ANK3: variants seen among roughly 807,000 people sequenced by gnomAD.
ANK3 encodes ankyrin 3.
In ANK3, 57 loss-of-function variants were observed where a neutral mutation model predicts 370.9. That is an observed-to-expected ratio of 0.15 (90% CI 0.12 to 0.19). The LOEUF (loss-of-function observed/expected upper bound fraction) is 0.19, where lower values mean the gene tolerates loss of function less well. Ranked by LOEUF, ANK3 falls within the 10% of genes least tolerant of loss-of-function variation. The pLI is 1.00. For synonymous variants in ANK3, 1,929 were observed against 1,946.3 expected, an observed-to-expected ratio of 0.99 and a Z score of 0.23; for missense variants, 4,439 against 5,302.1, an observed-to-expected ratio of 0.84 and a Z score of 5.06.
chr10:60,439,521 TA>T (rs911306247), intron 2 of ANK3, among the ~76,000 whole-genome samples: 25 of 150,830 alleles, frequency 1.7e-4, no homozygotes, highest in African/African-American at 4.6e-4. Flanking sequence ...AAAAATAATT[TA>T]AAAAAAAACA....
At chr10:60,627,008 G>C (rs143703645) in intron 1 of ANK3, among the ~76,000 whole-genome samples, 20 of 152,186 alleles carry the variant, frequency 1.3e-4, no homozygotes, top group Admixed American at 5.9e-4. Context: ...GAGGGAGAAA[G>C]AGAACAGAGC....
chr10:60,203,125 G>C, intron 11 of ANK3, 25 bp from the exon 12 acceptor site: 1 of 1,573,320 alleles, frequency 6.4e-7, no homozygotes, highest in Non-Finnish European at 8.7e-7. Flanking sequence ...AGAAAATGGT[G>C]GTTTGTTGGC....
intron 2 of ANK3, among the ~76,000 whole-genome samples, chr10:60,480,955 T>A (rs2075197653): frequency 6.6e-6 from 1 of 152,186 alleles, no homozygotes; most frequent in South Asian, 2.1e-4. Context: ...TCTGTTAGGA[T>A]CAGTTTTCAT....
intron 16 of ANK3, among the ~76,000 whole-genome samples, chr10:60,192,234 CGT>C (rs1565580255): frequency 6.6e-6 from 1 of 151,272 alleles, no homozygotes; most frequent in East Asian, 1.9e-4. Flanking sequence ...CCATGGTGCG[CGT>C]GTGTGTGTAT....
At chr10:60,280,036 T>C (rs1384617826) in intron 1 of ANK3, among the ~76,000 whole-genome samples, 1 of 152,154 alleles carries the variant, frequency 6.6e-6, no homozygotes, top group African/African-American at 2.4e-5. Context: ...CCACAGCAAT[T>C]TTTTCCATTA....
At chr10:60,469,280 A>AGT (rs1322647506) in intron 2 of ANK3, among the ~76,000 whole-genome samples, 2 of 3,322 alleles carry the variant, frequency 6.0e-4, no homozygotes, top group African/African-American at 2.0e-3. Flanking sequence ...TACCATTTTT[A>AGT]GTGTGTGTAT....
chr10:60,186,534 T>G, intron 17 of ANK3, 181 bp downstream of exon 17: 1 of 714,418 alleles, frequency 1.4e-6, no homozygotes, highest in Non-Finnish European at 2.5e-6. Flanking sequence ...ATTTTTCTTA[T>G]TGTTTAAACA....
At chr10:60,094,181 A>ATTTTTTTT in intron 28 of ANK3, among the ~76,000 whole-genome samples, 1 of 116,390 alleles carries the variant, frequency 8.6e-6, no homozygotes, top group African/African-American at 3.2e-5. Flanking sequence ...ACAGTATTCT[A>ATTTTTTTT]TTTTTTTTTT....
At chr10:60,438,162 C>T (rs1009644090) in intron 2 of ANK3, among the ~76,000 whole-genome samples, 1 of 151,944 alleles carries the variant, frequency 6.6e-6, no homozygotes, top group South Asian at 2.1e-4. Flanking sequence ...AGGAACACAC[C>T]TAGCTTAAAC....
intron 7 of ANK3, among the ~76,000 whole-genome samples, chr10:60,240,530 C>T (rs977149572): frequency 6.6e-6 from 1 of 151,692 alleles, no homozygotes; most frequent in African/African-American, 2.4e-5. Flanking sequence ...TCTGGAACTG[C>T]CAACCTCAGG....
At chr10:60,226,391 T>C (rs546931529) in intron 8 of ANK3, among the ~76,000 whole-genome samples, 2 of 114,432 alleles carry the variant, frequency 1.7e-5, no homozygotes, top group Non-Finnish European at 3.3e-5. Context: ...TAAATTATAG[T>C]ATAATATAGT....
intron 8 of ANK3, among the ~76,000 whole-genome samples, chr10:60,218,384 CTT>C (rs2096981842): frequency 6.6e-6 from 1 of 151,938 alleles, no homozygotes; most frequent in Non-Finnish European, 1.5e-5. Context: ...TTTCATTAGT[CTT>C]TATATTTTGT....
chr10:60,168,029 GTATTAT>G (rs1017182955), intron 21 of ANK3, among the ~76,000 whole-genome samples: 3 of 152,002 alleles, frequency 2.0e-5, no homozygotes, highest in Admixed American at 2.0e-4. Context: ...TTCATTGATA[GTATTAT>G]TATTATTTGA....
At chr10:60,416,486 A>G (rs1434012643) in intron 2 of ANK3, among the ~76,000 whole-genome samples, 1 of 152,180 alleles carries the variant, frequency 6.6e-6, no homozygotes, top group Non-Finnish European at 1.5e-5. Context: ...GACATCCAAT[A>G]TGATTTCATT....
At chr10:60,067,203 T>A (rs1211448549) in intron 38 of ANK3, among the ~76,000 whole-genome samples, 2 of 152,202 alleles carry the variant, frequency 1.3e-5, no homozygotes, top group African/African-American at 2.4e-5. Context: ...ATGAATTTTA[T>A]AGAATTCAAC....
chr10:60,713,209 A>G (rs2079734399), intron 1 of ANK3, among the ~76,000 whole-genome samples: 2 of 152,204 alleles, frequency 1.3e-5, no homozygotes, highest in Admixed American at 1.3e-4. Flanking sequence ...TTTCTGAGCC[A>G]CAAAATATAC....
chr10:60,057,045 A>G (rs917247212), intron 41 of ANK3, among the ~76,000 whole-genome samples: 1 of 152,138 alleles, frequency 6.6e-6, no homozygotes, highest in African/African-American at 2.4e-5. Context: ...TGTGGTCAAG[A>G]CTGTGGTATT....
chr10:60,179,843 C>T (rs1477052701), intron 18 of ANK3, among the ~76,000 whole-genome samples: 1 of 152,098 alleles, frequency 6.6e-6, no homozygotes, highest in African/African-American at 2.4e-5. Context: ...CCCGACCTGG[C>T]CTTAAGAATC....
chr10:60,189,580 A>G (rs1317167295), intron 16 of ANK3, among the ~76,000 whole-genome samples: 1 of 152,258 alleles, frequency 6.6e-6, no homozygotes, highest in Non-Finnish European at 1.5e-5. Context: ...AATAATAAGC[A>G]CATTTATCTT....
Sources: allele counts gnomAD v4.1 joint callset (sites outside exome capture counted in the v4.1 genomes callset), GRCh38; gene constraint gnomAD v4.1.1; transcripts MANE v1.5; gene names NCBI Gene and HGNC (gene_info 2026-07-23, HGNC 2026-07-21).